CTSS: variants seen among roughly 807,000 people sequenced by gnomAD.
CTSS encodes the protein cathepsin S.
Under a neutral mutation model 39.9 loss-of-function variants are expected in CTSS, and 15 were observed. The ratio of observed to expected loss-of-function variants is 0.38; its 90% CI spans 0.25 to 0.58. The LOEUF (loss-of-function observed/expected upper bound fraction) is 0.58. Ranked by LOEUF, CTSS falls within the 20% of genes least tolerant of loss-of-function variation. The probability of loss-of-function intolerance (pLI) is 0.70; values close to 1 mark genes in which losing one functional copy is unlikely to be tolerated. For missense variants in CTSS, 250 were observed against 398.2 expected, an observed-to-expected ratio of 0.63 and a Z score of 3.17; for synonymous variants, 126 against 138.2, an observed-to-expected ratio of 0.91 and a Z score of 0.62.
Position 150,748,025 on chromosome 1 carries a change from C to T in CTSS, c.794-146G>A, listed in dbSNP as rs587611339. On this transcript the variant is annotated intron_variant, in intron 6 of 7. Coordinates refer to ENST00000368985, the MANE Select transcript of CTSS (RefSeq NM_004079.5). ...TTAAGGACATGTCCAGGCATGGTGG[C>T]TCATGCCTGTAATCCCAGAAGTTTG... 7.0e-6 allele frequency: 4 copies of T among 572,804 alleles called. No individual in the cohort carries two copies. The East Asian group carries it at 9.7e-5, about 14-fold the overall frequency. The allele number at this position is 572,804 out of a possible 1,614,324, so 35.5% of individuals were successfully genotyped here.
chr1:150,765,016 C>T (rs1653342089), intron 1 of CTSS, among the ~76,000 whole-genome samples: 1 of 151,416 alleles, frequency 6.6e-6, no homozygotes, highest in African/African-American at 2.4e-5. Context: ...TCTGGTAAAC[C>T]AAACACATCT....
intron 7 of CTSS, among the ~76,000 whole-genome samples, chr1:150,746,607 C>G (rs974329541): frequency 6.6e-6 from 1 of 152,000 alleles, no homozygotes; most frequent in Non-Finnish European, 1.5e-5. Flanking sequence ...TTCCTCAGCC[C>G]AAGGATTCAG....
At chr1:150,751,563 T>C (rs1653007333) in intron 5 of CTSS, among the ~76,000 whole-genome samples, 1 of 152,188 alleles carries the variant, frequency 6.6e-6, no homozygotes, top group Admixed American at 6.5e-5. Context: ...AATCTGTTTT[T>C]AAGCATGAAT....
intron 4 of CTSS, among the ~76,000 whole-genome samples, chr1:150,754,111 CTTTTT>C (rs751446609): frequency 3.1e-4 from 40 of 128,266 alleles, no homozygotes; most frequent in Non-Finnish European, 5.3e-4. Context: ...CTCCTATACA[CTTTTT>C]TTTTTTTTTT....
rs758127677 is a variant in CTSS, at chr1:150,764,697, T to C, written c.67A>G (p.Thr23Ala). 17 of 1,614,102 alleles carry C rather than the reference T, an allele frequency of 1.1e-5. No individual in the cohort carries two copies. Among genetic ancestry groups the C allele is most frequent in the Non-Finnish European group, 1.4e-5 (17 of 1,179,986 alleles). The stretch of plus-strand genomic sequence containing the variant: ...CAGAGATGCCAGTGGTGATCCAGGG[T>C]AGGATCTTTATGCAACTGTGCCACT... Reference protein sequence around the residue: ...SAVAQLHKDPTLDHHWHLWKK... With the variant: ...SAVAQLHKDPALDHHWHLWKK... Residue 23 changes from threonine (T) to alanine (A), a missense_variant, in exon 2 of 8, where the codon ACC becomes GCC. Physicochemically the swap from Thr to Ala is moderately conservative, Grantham distance 58. Coordinates refer to ENST00000368985, the MANE Select transcript of CTSS (RefSeq NM_004079.5).
chr1:150,741,184 T>C (rs1372638991), intron 7 of CTSS, among the ~76,000 whole-genome samples: 1 of 151,748 alleles, frequency 6.6e-6, no homozygotes, highest in Non-Finnish European at 1.5e-5. Context: ...TAAATTTGTT[T>C]ATAGAGACTG....
At chr1:150,739,328 A>G (rs181047033) in intron 7 of CTSS, among the ~76,000 whole-genome samples, 1 of 152,236 alleles carries the variant, frequency 6.6e-6, no homozygotes, top group Non-Finnish European at 1.5e-5. Context: ...TGAAAGCTAG[A>G]CTTCTTGAAC....
chr1:150,759,408 T>A (rs1653204800), intron 2 of CTSS, among the ~76,000 whole-genome samples: 1 of 152,166 alleles, frequency 6.6e-6, no homozygotes, highest in African/African-American at 2.4e-5. Flanking sequence ...TCATCTCTCT[T>A]ACTTGCGTTT....
Position 150,731,065 on chromosome 1 carries a change from G to A in CTSS, c.*1981C>T, listed in dbSNP as rs1652510586. Reference sequence around the variant, plus strand: ...TTATTCTACTTTCAATACTTGAAAAGTTGTGGATAAAACAAAAATTATGTT... The same window carrying A: ...TTATTCTACTTTCAATACTTGAAAAATTGTGGATAAAACAAAAATTATGTT... On this transcript the variant is annotated 3_prime_UTR_variant, in exon 8 of 8. Transcript: ENST00000368985. 1 of 152,164 alleles carries A rather than the reference G, an allele frequency of 6.6e-6. No homozygotes were observed. The highest frequency in any genetic ancestry group is 1.5e-5 in the Non-Finnish European group (1 of 68,032). The allele number at this position is 152,164 out of a possible 1,614,324, so 9.4% of individuals were successfully genotyped here.
At chr1:150,758,115 T>C (rs1571105638) in intron 2 of CTSS, 135 bp from the exon 3 acceptor site, 1 of 723,948 alleles carries the variant, frequency 1.4e-6, no homozygotes, top group South Asian at 2.0e-5. Flanking sequence ...AATGGCACGA[T>C]CTCAGCTTAC....
chr1:150,761,241 T>C (rs1468586681), intron 2 of CTSS, among the ~76,000 whole-genome samples: 1 of 148,206 alleles, frequency 6.7e-6, no homozygotes, highest in African/African-American at 2.5e-5. Flanking sequence ...AACTGATACA[T>C]GAATTCAGTA....
intron 7 of CTSS, among the ~76,000 whole-genome samples, chr1:150,734,318 C>T (rs61817600): frequency 0.074 from 11,252 of 151,896 alleles, 588 homozygotes; most frequent in East Asian, 0.19. Flanking sequence ...TGAGCCACCA[C>T]GCCCGGCTGT....
chr1:150,742,261 A>G (rs1472704678), intron 7 of CTSS, among the ~76,000 whole-genome samples: 3 of 152,144 alleles, frequency 2.0e-5, no homozygotes, highest in Non-Finnish European at 4.4e-5. Flanking sequence ...ATCTCAAAAA[A>G]AAAAAGAATA....
At chr1:150,753,380 C>T (rs908828709) in intron 4 of CTSS, among the ~76,000 whole-genome samples, 13 of 152,160 alleles carry the variant, frequency 8.5e-5, no homozygotes, top group African/African-American at 2.9e-4. Flanking sequence ...CATATTCTAA[C>T]GATGCAAGAC....
At chr1:150,763,736 T>C (rs1050858842) in intron 2 of CTSS, among the ~76,000 whole-genome samples, 1 of 152,102 alleles carries the variant, frequency 6.6e-6, no homozygotes, top group Non-Finnish European at 1.5e-5. Flanking sequence ...AGGGTTAAGG[T>C]CTTAACATCA....
In CTSS at chr1:150,741,100, C is replaced by CA. The variant is rs587704145; in HGVS notation, c.896+6676dup. ...CACTGTAGCCTCAAACTCCTCAGCTCAAAAAATCCTCCTACCTCAGCCTCT... is the reference window on the plus strand; with the variant it reads ...CACTGTAGCCTCAAACTCCTCAGCTCAAAAAAATCCTCCTACCTCAGCCTCT... On this transcript the variant is annotated intron_variant, in intron 7 of 7. Coordinates refer to ENST00000368985, the MANE Select transcript of CTSS (RefSeq NM_004079.5). Among the ~76,000 whole-genome samples the CA allele has an allele frequency of 4.4e-3, 663 of 152,158 alleles. 2 individuals are homozygous for CA. Among genetic ancestry groups the CA allele is most frequent in the African/African-American group, 0.015 (624 of 41,504 alleles).
At chr1:150,748,372 C>G (rs1652935806) in intron 6 of CTSS, 1 of 151,992 alleles carries the variant, frequency 6.6e-6, no homozygotes. Context: ...CTGTATTTGT[C>G]AGTGTTCTTG....
At chr1:150,757,087 T>C (rs930801075) in intron 3 of CTSS, among the ~76,000 whole-genome samples, 12 of 152,228 alleles carry the variant, frequency 7.9e-5, no homozygotes, top group South Asian at 2.1e-4. Context: ...ATAAAAAAAC[T>C]GAGAAAAAAC....
At chr1:150,763,664 T>C (rs773020341) in intron 2 of CTSS, among the ~76,000 whole-genome samples, 1 of 152,140 alleles carries the variant, frequency 6.6e-6, no homozygotes, top group Non-Finnish European at 1.5e-5. Flanking sequence ...TAAATAAATA[T>C]ATGATGCTAG....
Sources: gnomAD v4.1 joint callset for allele counts (sites outside exome capture counted in the v4.1 genomes callset) on GRCh38, gnomAD v4.1.1 for gene constraint, MANE v1.5 for transcripts, NCBI Gene and HGNC (gene_info 2026-07-23, HGNC 2026-07-21) for gene names.